The following SUGCT variants were observed in gnomAD, a reference collection of about 807,000 sequenced individuals.
SUGCT encodes the protein succinyl-CoA:glutarate CoA-transferase.
A neutral mutation model predicts 55.0 loss-of-function variants in SUGCT; 41 were observed. The ratio of observed to expected loss-of-function variants is 0.74; its 90% CI spans 0.58 to 0.97. The LOEUF (loss-of-function observed/expected upper bound fraction) is 0.97. Ranked by LOEUF, SUGCT falls within the 50% of genes least tolerant of loss-of-function variation. The pLI is 0.00. For missense variants in SUGCT, 568 were observed against 547.8 expected (o/e 1.04, Z -0.37); for synonymous variants, 187 against 200.4 (o/e 0.93, Z 0.56).
In SUGCT at chr7:40,645,908, C is replaced by G. The variant is rs373790117; in HGVS notation, c.1090-103526C>G. Among the ~76,000 whole-genome samples the G allele has an allele frequency of 1.5e-3, 232 of 152,252 alleles. 13 individuals carry two copies. The South Asian group carries it at 0.048, about 31-fold the overall frequency. The stretch of plus-strand genomic sequence containing the variant: ...ACGTTTTCATCCTGAGCTTAGACCC[C>G]ATGTCTCAGTTCCAGACATGGATAT... On this transcript the variant is annotated intron_variant, in intron 12 of 13. Transcript: ENST00000335693.
At position 40,464,802 on chromosome 7, in the gene SUGCT, C is replaced by T. The variant is rs1226818029; in HGVS notation, c.986+5604C>T. ...ATATATGCAGCAAAATACTCTGTTG[C>T]GATGTTGTGCAGCAGTAGTGAGCTG... On this transcript the variant is annotated intron_variant, in intron 11 of 13. Coordinates refer to ENST00000335693, the MANE Select transcript of SUGCT (RefSeq NM_001193313.2). Among the ~76,000 whole-genome samples, 5 of 152,112 alleles carry T rather than the reference C, an allele frequency of 3.3e-5. 1 individual carries two copies. The highest frequency in any genetic ancestry group is 1.2e-4 in the African/African-American group (5 of 41,420).
At position 40,636,293 on chromosome 7, in the gene SUGCT, G is replaced by T. The variant is rs148212572; in HGVS notation, c.1090-113141G>T. ...GCTGTTGACTGGGTCTTCAGCTGAG[G>T]CTGTGGCCAGAACCCCCTTGACCTC... On this transcript the variant is annotated intron_variant, in intron 12 of 13. Coordinates refer to ENST00000335693, the MANE Select transcript of SUGCT (RefSeq NM_001193313.2). 3.3e-5 allele frequency among the ~76,000 whole-genome samples: 5 copies of T among 152,250 alleles called. No individual in the cohort carries two copies. The South Asian group carries it at 8.3e-4, about 25-fold the overall frequency.
chr7:40,903,032 C>G, the SUGCT span, among the ~76,000 whole-genome samples: 1 of 141,060 alleles, frequency 7.1e-6, no homozygotes, highest in South Asian at 2.2e-4. Context: ...CTTTTCTTTT[C>G]TTTTCTTTTT....
the SUGCT span, among the ~76,000 whole-genome samples, chr7:40,879,713 A>G: frequency 6.6e-6 from 1 of 152,164 alleles, no homozygotes; most frequent in Non-Finnish European, 1.5e-5. Flanking sequence ...CAAATTCAAC[A>G]GCTATAACAT....
intron 9 of SUGCT, among the ~76,000 whole-genome samples, chr7:40,337,252 T>C (rs1194489666): frequency 6.6e-6 from 1 of 152,208 alleles, no homozygotes; most frequent in Non-Finnish European, 1.5e-5. Flanking sequence ...GTTCTGTAGA[T>C]GTCTATTACT....
chr7:40,960,479 A>G, the SUGCT span, among the ~76,000 whole-genome samples: 1 of 152,182 alleles, frequency 6.6e-6, no homozygotes, highest in African/African-American at 2.4e-5. Context: ...TTCCAGGTCC[A>G]AACAATATGT....
At chr7:40,742,470 G>A (rs1252824846) in intron 12 of SUGCT, among the ~76,000 whole-genome samples, 3 of 151,842 alleles carry the variant, frequency 2.0e-5, no homozygotes, top group East Asian at 3.9e-4. Context: ...CATAAACAGC[G>A]TCCAACCGAG....
chr7:40,390,400 C>T (rs2151299964), intron 9 of SUGCT, among the ~76,000 whole-genome samples: 1 of 152,248 alleles, frequency 6.6e-6, no homozygotes, highest in African/African-American at 2.4e-5. Context: ...CGTCTCAGCC[C>T]AAAATCTCCT....
chr7:40,334,532 T>A (rs1393721936), intron 9 of SUGCT, among the ~76,000 whole-genome samples: 2 of 152,246 alleles, frequency 1.3e-5, no homozygotes, highest in African/African-American at 4.8e-5. Flanking sequence ...ATGTGTCTAT[T>A]GGCTGCATAA....
chr7:40,227,367 G>T (rs1012960015), intron 6 of SUGCT, among the ~76,000 whole-genome samples: 2 of 151,900 alleles, frequency 1.3e-5, no homozygotes, highest in Admixed American at 6.6e-5. Context: ...TAGACCTTGA[G>T]ATCTTAAGAT....
chr7:40,946,106 GT>G, the SUGCT span, among the ~76,000 whole-genome samples: 51,348 of 146,096 alleles, frequency 0.35, 9,126 homozygotes, highest in Admixed American at 0.45. Flanking sequence ...TCACATACAA[GT>G]TTTTTTTTTT....
intron 13 of SUGCT, 115 bp downstream of exon 13, chr7:40,749,612 T>TGGTAA: frequency 1.2e-6 from 1 of 804,120 alleles, no homozygotes; most frequent in Non-Finnish European, 2.1e-6. Flanking sequence ...TTATCCAAAT[T>TGGTAA]TATAACATTG....
the SUGCT span, among the ~76,000 whole-genome samples, chr7:40,987,879 G>A: frequency 6.6e-6 from 1 of 152,076 alleles, no homozygotes; most frequent in Non-Finnish European, 1.5e-5. Flanking sequence ...CCTTGTTGAT[G>A]ATCTGGGTCT....
At chr7:41,023,349 T>C in the SUGCT span, among the ~76,000 whole-genome samples, 1 of 151,480 alleles carries the variant, frequency 6.6e-6, no homozygotes, top group African/African-American at 2.4e-5. Context: ...AAATATACTT[T>C]GAAAGTAAGG....
chr7:40,395,162 G>A (rs1438433974), intron 9 of SUGCT, among the ~76,000 whole-genome samples: 1 of 152,070 alleles, frequency 6.6e-6, no homozygotes, highest in East Asian at 1.9e-4. Context: ...TCCTGAACTC[G>A]CAGGATAGGC....
chr7:40,655,290 T>C (rs1407757985), intron 12 of SUGCT, among the ~76,000 whole-genome samples: 2 of 140,024 alleles, frequency 1.4e-5, no homozygotes, highest in African/African-American at 3.3e-5. Flanking sequence ...GGAGATCCTG[T>C]CTCAAAAAAA....
chr7:40,737,449 T>C (rs1311163078), intron 12 of SUGCT, among the ~76,000 whole-genome samples: 2 of 152,238 alleles, frequency 1.3e-5, no homozygotes, highest in African/African-American at 4.8e-5. Flanking sequence ...AATTTATGTC[T>C]ATTATTTTTT....
chr7:41,010,030 A>G, the SUGCT span, among the ~76,000 whole-genome samples: 2 of 152,196 alleles, frequency 1.3e-5, no homozygotes, highest in Admixed American at 6.5e-5. Flanking sequence ...GATGTGTACT[A>G]TTTTGTAAAG....
At chr7:40,973,395 A>G in the SUGCT span, among the ~76,000 whole-genome samples, 76 of 152,314 alleles carry the variant, frequency 5.0e-4, no homozygotes, top group African/African-American at 1.8e-3. Context: ...TTACTTTTTT[A>G]CTACCCTTCC....
Sources: allele counts gnomAD v4.1 joint callset (sites outside exome capture counted in the v4.1 genomes callset), GRCh38; gene constraint gnomAD v4.1.1; transcripts MANE v1.5; gene names NCBI Gene and HGNC (gene_info 2026-07-23, HGNC 2026-07-21).